BCKDHB: variants seen among roughly 807,000 people sequenced by gnomAD.
The protein encoded by BCKDHB is 2-oxoisovalerate dehydrogenase subunit beta, mitochondrial.
A neutral mutation model predicts 48.5 loss-of-function variants in BCKDHB; 41 were observed. The ratio of observed to expected loss-of-function variants is 0.85; its 90% CI spans 0.66 to 1.10. The LOEUF (loss-of-function observed/expected upper bound fraction) is 1.10, where lower values mean the gene tolerates loss of function less well. Among genes scored for constraint, BCKDHB ranks in the 50% least tolerant of loss-of-function variants. The pLI is 0.00. For synonymous variants in BCKDHB, 201 were observed against 174.8 expected, an observed-to-expected ratio of 1.15 and a Z score of -1.18; for missense variants, 496 against 494.2, an observed-to-expected ratio of 1.00 and a Z score of -0.03.
chr6:80,154,410 A>C (rs549507971), intron 3 of BCKDHB, among the ~76,000 whole-genome samples: 1 of 152,262 alleles, frequency 6.6e-6, no homozygotes, highest in South Asian at 2.1e-4. Flanking sequence ...ACATCTATCT[A>C]ATAAGATTAG....
intron 1 of BCKDHB, among the ~76,000 whole-genome samples, chr6:80,116,736 A>G (rs1769724295): frequency 6.6e-6 from 1 of 152,232 alleles, no homozygotes; most frequent in Non-Finnish European, 1.5e-5. Flanking sequence ...GTTTTGCTAT[A>G]CCTTTTTATC....
In BCKDHB at chr6:80,171,310, C is replaced by A. The variant is rs751355322; in HGVS notation, c.662C>A (p.Ala221Asp). ...GTTATACCCAGAAGCCCTTTCCAGG[C>A]CAAAGGACTTCTTTTGTCATGCATA... ...KVVIPRSPFQ[A>D]KGLLLSCIED... The change falls in exon 6 of 10, where the codon GCC becomes GAC. Residue 221 changes from alanine to aspartate, a missense_variant. Ala to Asp is a moderately radical substitution (Grantham distance 126, BLOSUM62 -2). Transcript: ENST00000320393. 9.9e-6 allele frequency: 16 copies of A among 1,608,468 alleles called. No homozygotes were observed. Among genetic ancestry groups the A allele is most frequent in the Non-Finnish European group, 1.7e-6 (2 of 1,177,530 alleles).
chr6:80,158,119 A>C (rs1374584699), intron 3 of BCKDHB, among the ~76,000 whole-genome samples: 1 of 152,214 alleles, frequency 6.6e-6, no homozygotes, highest in Non-Finnish European at 1.5e-5. Flanking sequence ...AGGAGCTTAG[A>C]AATTTTAATC....
rs934198852 is a variant in BCKDHB at position 80,345,004 on chromosome 6, C to T, written c.*1200C>T. Reference sequence around the variant, plus strand: ...TTTACCTGAAAACAAACAAACAAACCCTAAAACTCAGCACCACTACCATTT... The same window carrying T: ...TTTACCTGAAAACAAACAAACAAACTCTAAAACTCAGCACCACTACCATTT... On this transcript the variant is annotated 3_prime_UTR_variant, in exon 10 of 10. Coordinates refer to ENST00000320393, the MANE Select transcript of BCKDHB (RefSeq NM_183050.4). 2.0e-5 allele frequency: 3 copies of T among 152,046 alleles called. No individual in the cohort carries two copies. The highest frequency in any genetic ancestry group is 6.6e-5 in the Admixed American group (1 of 15,266). 9.4% of individuals were successfully genotyped at this position (152,046 alleles called of 1,614,324 possible).
intron 3 of BCKDHB, among the ~76,000 whole-genome samples, chr6:80,136,999 A>G (rs1473633087): frequency 1.3e-5 from 2 of 152,158 alleles, no homozygotes; most frequent in Non-Finnish European, 2.9e-5. Context: ...ATCATTGTGC[A>G]TTGTTGGTGG....
the BCKDHB span, among the ~76,000 whole-genome samples, chr6:80,448,876 C>T: frequency 6.6e-6 from 1 of 152,094 alleles, no homozygotes; most frequent in Admixed American, 6.6e-5. Flanking sequence ...GTACCCCAAA[C>T]CTCAATGTCA....
intron 3 of BCKDHB, among the ~76,000 whole-genome samples, chr6:80,146,518 A>C (rs888166633): frequency 6.6e-6 from 1 of 152,152 alleles, no homozygotes; most frequent in Non-Finnish European, 1.5e-5. Context: ...TCTTTTGTCA[A>C]GGCCTAAATC....
At chr6:80,307,023 C>G (rs186816875) in intron 9 of BCKDHB, among the ~76,000 whole-genome samples, 1 of 152,110 alleles carries the variant, frequency 6.6e-6, no homozygotes. Flanking sequence ...CATATTGAGC[C>G]GGGGTCCTCA....
chr6:80,242,134 A>C (rs937678077), intron 8 of BCKDHB, among the ~76,000 whole-genome samples: 6 of 152,124 alleles, frequency 3.9e-5, no homozygotes, highest in African/African-American at 1.4e-4. Context: ...CCTTATCACA[A>C]GATCATGAAG....
At chr6:80,347,884 G>A (rs1770279376), downstream of BCKDHB, among the ~76,000 whole-genome samples, 2 of 152,120 alleles carry the variant, frequency 1.3e-5, no homozygotes, top group Admixed American at 1.3e-4. Context: ...ATGAAAATAA[G>A]AAAATAGTGG....
intron 9 of BCKDHB, among the ~76,000 whole-genome samples, chr6:80,332,065 A>G (rs1159503): frequency 0.75 from 114,389 of 151,752 alleles, 43,844 homozygotes; most frequent in Admixed American, 0.83. Flanking sequence ...CTTCGCAGGG[A>G]TGACTGAAAT....
intron 3 of BCKDHB, among the ~76,000 whole-genome samples, chr6:80,162,735 C>T (rs1761960662): frequency 6.6e-6 from 1 of 152,060 alleles, no homozygotes; most frequent in Admixed American, 6.5e-5. Context: ...CCTGTAATCC[C>T]AGCTACTCGG....
intron 6 of BCKDHB, among the ~76,000 whole-genome samples, chr6:80,176,272 T>A (rs1392685932): frequency 1.3e-5 from 2 of 152,102 alleles, no homozygotes; most frequent in African/African-American, 4.8e-5. Context: ...CTGAAATAAA[T>A]GGTGTGTGAT....
chr6:80,116,372 C>T (rs548238376), intron 1 of BCKDHB, among the ~76,000 whole-genome samples: 157 of 152,248 alleles, frequency 1.0e-3, no homozygotes, highest in African/African-American at 3.6e-3. Flanking sequence ...TTTCCTTAAA[C>T]GTTTATTGAA....
At chr6:80,409,500 T>C in the BCKDHB span, among the ~76,000 whole-genome samples, 1 of 146,638 alleles carries the variant, frequency 6.8e-6, no homozygotes, top group African/African-American at 2.5e-5. Context: ...CCCGTCATTA[T>C]TTTGTGGGAG....
At chr6:80,291,204 T>C (rs1207572289) in intron 9 of BCKDHB, among the ~76,000 whole-genome samples, 1 of 152,000 alleles carries the variant, frequency 6.6e-6, no homozygotes, top group Non-Finnish European at 1.5e-5. Flanking sequence ...ATTTCTCCCC[T>C]CCCTTAAAAG....
the BCKDHB span, among the ~76,000 whole-genome samples, chr6:80,383,159 T>C: frequency 6.6e-6 from 1 of 152,208 alleles, no homozygotes; most frequent in Non-Finnish European, 1.5e-5. Context: ...CTTGACATAC[T>C]AAAAATGTCA....
At chr6:80,224,130 T>C (rs1171847966) in intron 8 of BCKDHB, among the ~76,000 whole-genome samples, 1 of 152,152 alleles carries the variant, frequency 6.6e-6, no homozygotes, top group Non-Finnish European at 1.5e-5. Context: ...TAAGCTGTTC[T>C]TTGGGAGTTA....
At chr6:80,358,636 T>G in the BCKDHB span, among the ~76,000 whole-genome samples, 4 of 152,324 alleles carry the variant, frequency 2.6e-5, no homozygotes, top group African/African-American at 9.6e-5. Flanking sequence ...GGTCACATAT[T>G]GTATGATTCC....
Sources: allele counts gnomAD v4.1 joint callset (sites outside exome capture counted in the v4.1 genomes callset), GRCh38; gene constraint gnomAD v4.1.1; transcripts MANE v1.5; gene names NCBI Gene and HGNC (gene_info 2026-07-23, HGNC 2026-07-21).